NKAIN3: variants seen among roughly 807,000 people sequenced by gnomAD.
NKAIN3 encodes the protein sodium/potassium-transporting ATPase subunit beta-1-interacting protein 3.
A neutral mutation model predicts 30.2 loss-of-function variants in NKAIN3; 25 were observed. That is an observed-to-expected ratio of 0.83 (90% confidence interval 0.60 to 1.16). NKAIN3 has a LOEUF of 1.16. NKAIN3 is among the 50% of genes most tolerant of loss of function. NKAIN3 has a pLI of 0.00. For missense variants in NKAIN3, 225 were observed against 254.1 expected, an observed-to-expected ratio of 0.89 and a Z score of 0.78; for synonymous variants, 91 against 89.6, an observed-to-expected ratio of 1.02 and a Z score of -0.09.
chr8:62,644,845 T>A lies in NKAIN3; in HGVS notation c.273+55051T>A, dbSNP rs558754971. ...GAGTAATAACTGGTTGCTGATCAAT[T>A]TGTTTGCATAATTAATTGCTTGTGC... On this transcript the variant is annotated intron_variant, in intron 3 of 6. Transcript: ENST00000623646. Among the ~76,000 whole-genome samples the A allele has an allele frequency of 3.9e-5, 6 of 152,310 alleles. No homozygotes were observed. In the South Asian group the frequency reaches 8.3e-4, roughly 21 times the overall value.
chr8:62,748,709 T>C (rs1303781688), intron 4 of NKAIN3, among the ~76,000 whole-genome samples: 1 of 152,236 alleles, frequency 6.6e-6, no homozygotes, highest in Admixed American at 6.5e-5. Flanking sequence ...AAAGATCTTT[T>C]AGAGTTCTAG....
rs1489355206 is a variant in NKAIN3 at position 62,967,647 on chromosome 8, A to G, written c.*2240A>G. On this transcript the variant is annotated 3_prime_UTR_variant, in exon 7 of 7. Transcript: ENST00000623646. ...AATTTAAAAATAACATTAATATTCA[A>G]GTTCCAAAACTAATGCCAATAATTA... is the stretch of plus-strand genomic sequence containing the variant. Among the ~76,000 whole-genome samples, 1 of 152,210 alleles carries G rather than the reference A, an allele frequency of 6.6e-6. No individual in the cohort carries two copies. The highest frequency in any genetic ancestry group is 6.5e-5 in the Admixed American group (1 of 15,272).
In NKAIN3 at chr8:62,979,485, T is replaced by TA. The variant is rs1824025967; in HGVS notation, c.*14082dup. On this transcript the variant is annotated 3_prime_UTR_variant, in exon 7 of 7. Transcript: ENST00000623646. The stretch of plus-strand genomic sequence containing the variant: ...ACCCTTTTCTAAATAATCACGTTGC[T>TA]AAAATGTGCCACATGGCCCATTTCT... 1 of 152,238 alleles carries TA rather than the reference T, an allele frequency of 6.6e-6. No individual in the cohort carries two copies. Among genetic ancestry groups the TA allele is most frequent in the Non-Finnish European group, 1.5e-5 (1 of 68,044 alleles). The allele number at this position is 152,238 out of a possible 1,614,324, so 9.4% of individuals were successfully genotyped here.
chr8:62,441,473 T>C (rs1805322575), intron 1 of NKAIN3, among the ~76,000 whole-genome samples: 1 of 151,992 alleles, frequency 6.6e-6, no homozygotes, highest in African/African-American at 2.4e-5. Flanking sequence ...TAATGTCTTG[T>C]GCATTGTTTA....
intron 3 of NKAIN3, among the ~76,000 whole-genome samples, chr8:62,707,048 TAC>T (rs1180494168): frequency 8.0e-5 from 9 of 112,032 alleles, no homozygotes; most frequent in African/African-American, 3.4e-4. Flanking sequence ...TATTCCATCA[TAC>T]ATACATACAC....
At chr8:62,607,464 A>C (rs900097477) in intron 3 of NKAIN3, among the ~76,000 whole-genome samples, 3 of 152,118 alleles carry the variant, frequency 2.0e-5, no homozygotes, top group African/African-American at 7.2e-5. Flanking sequence ...CTTGGTGTTC[A>C]TGACAGTATG....
chr8:62,415,349 G>T (rs1156816871), intron 1 of NKAIN3, among the ~76,000 whole-genome samples: 3 of 147,542 alleles, frequency 2.0e-5, no homozygotes, highest in African/African-American at 7.4e-5. Context: ...AATAGATGAT[G>T]ATGATGATGA....
intron 1 of NKAIN3, among the ~76,000 whole-genome samples, chr8:62,274,945 A>G (rs1298985220): frequency 2.6e-5 from 4 of 151,826 alleles, no homozygotes; most frequent in African/African-American, 9.7e-5. Flanking sequence ...TTATGGCTGC[A>G]TAGTATTCCA....
intron 3 of NKAIN3, among the ~76,000 whole-genome samples, chr8:62,702,249 G>A (rs1814362796): frequency 6.6e-6 from 1 of 152,114 alleles, no homozygotes; most frequent in African/African-American, 2.4e-5. Flanking sequence ...TTCTCAATTT[G>A]AGTATGTCAT....
At chr8:62,855,210 T>C (rs1441803136) in intron 4 of NKAIN3, 4 of 367,210 alleles carry the variant, frequency 1.1e-5, no homozygotes, top group Non-Finnish European at 2.1e-5. Context: ...GGCAGACTCT[T>C]CCTAGCTCAG....
intron 3 of NKAIN3, among the ~76,000 whole-genome samples, chr8:62,702,399 A>C (rs1257394681): frequency 6.6e-6 from 1 of 152,202 alleles, no homozygotes; most frequent in African/African-American, 2.4e-5. Flanking sequence ...AGGCATTGGA[A>C]AAATATTTTA....
intron 4 of NKAIN3, among the ~76,000 whole-genome samples, chr8:62,880,298 A>G (rs1269948302): frequency 6.6e-6 from 1 of 152,204 alleles, no homozygotes; most frequent in Non-Finnish European, 1.5e-5. Context: ...CCCATCTCTC[A>G]GTGAAGCCAG....
chr8:62,496,234 C>T (rs1320946726), intron 1 of NKAIN3, among the ~76,000 whole-genome samples: 1 of 152,094 alleles, frequency 6.6e-6, no homozygotes, highest in African/African-American at 2.4e-5. Context: ...AATAAGCTAT[C>T]TTAAACTACA....
chr8:62,460,459 C>T (rs985845051), intron 1 of NKAIN3, among the ~76,000 whole-genome samples: 24 of 149,162 alleles, frequency 1.6e-4, no homozygotes, highest in African/African-American at 5.9e-4. Context: ...TCAGAATAAA[C>T]TTGTTTGGAA....
At chr8:62,507,794 C>A (rs1807690850) in intron 1 of NKAIN3, among the ~76,000 whole-genome samples, 1 of 152,108 alleles carries the variant, frequency 6.6e-6, no homozygotes, top group South Asian at 2.1e-4. Flanking sequence ...AGAAATGATG[C>A]TTGTACTCGG....
At chr8:62,843,068 G>A (rs1188615035) in intron 4 of NKAIN3, among the ~76,000 whole-genome samples, 1 of 151,912 alleles carries the variant, frequency 6.6e-6, no homozygotes, top group Non-Finnish European at 1.5e-5. Context: ...GACAACCCAT[G>A]CAATGAGAAA....
intron 1 of NKAIN3, among the ~76,000 whole-genome samples, chr8:62,289,504 T>C (rs1285127940): frequency 1.3e-5 from 2 of 152,332 alleles, no homozygotes; most frequent in African/African-American, 4.8e-5. Flanking sequence ...TAGGGAATCC[T>C]TTACCCATTT....
At chr8:62,364,410 A>C in intron 1 of NKAIN3, among the ~76,000 whole-genome samples, 1 of 152,164 alleles carries the variant, frequency 6.6e-6, no homozygotes, top group Admixed American at 6.5e-5. Flanking sequence ...GGATGTAGCA[A>C]AACCAGTGGT....
chr8:62,569,593 T>C (rs971317157), intron 1 of NKAIN3, among the ~76,000 whole-genome samples: 3 of 152,080 alleles, frequency 2.0e-5, no homozygotes, highest in African/African-American at 7.2e-5. Context: ...CTGGCCATCA[T>C]GGTGAAACCC....
Sources: gnomAD v4.1 joint callset for allele counts (sites outside exome capture counted in the v4.1 genomes callset) on GRCh38, gnomAD v4.1.1 for gene constraint, MANE v1.5 for transcripts, NCBI Gene and HGNC (gene_info 2026-07-23, HGNC 2026-07-21) for gene names.